The following KIF18B variants were observed in gnomAD, a reference collection of about 807,000 sequenced individuals.
KIF18B encodes kinesin-like protein KIF18B.
Under a neutral mutation model 80.9 loss-of-function variants are expected in KIF18B, and 49 were observed. The ratio of observed to expected loss-of-function variants is 0.61; its 90% CI spans 0.48 to 0.77. The LOEUF (loss-of-function observed/expected upper bound fraction) is 0.77, where lower values mean the gene tolerates loss of function less well. Ranked by LOEUF, KIF18B falls within the 30% of genes least tolerant of loss-of-function variation. The pLI is 0.00. For synonymous variants in KIF18B, 439 were observed against 463.9 expected (o/e 0.95, Z 0.69); for missense variants, 994 against 1,127.7 (o/e 0.88, Z 1.70).
In KIF18B at chr17:44,926,011, G is replaced by T. The variant is rs1430700289; in HGVS notation, c.*69C>A. The stretch of plus-strand genomic sequence containing the variant: ...CAGCTCCTGGTGCAGGTGGCTACAG[G>T]TCCAAGAGGGGTATCCAGCAGAGGG... On this transcript the variant is annotated 3_prime_UTR_variant, in exon 16 of 16. Transcript: ENST00000593135. 3 of 1,561,248 alleles carry T rather than the reference G, an allele frequency of 1.9e-6. No individual in the cohort carries two copies. Among genetic ancestry groups the T allele is most frequent in the Admixed American group, 3.4e-5 (2 of 59,456 alleles).
intron 1 of KIF18B, among the ~76,000 whole-genome samples, chr17:44,944,219 GA>G (rs1265790123): frequency 6.6e-6 from 1 of 151,970 alleles, no homozygotes; most frequent in African/African-American, 2.4e-5. Context: ...CTACATTAAC[GA>G]AACAGATTGA....
At position 44,932,162 on chromosome 17, in the gene KIF18B, T is replaced by C; in HGVS notation, c.1283A>G (p.Gln428Arg). The C allele has an allele frequency of 6.2e-7, 1 of 1,613,524 alleles. No homozygotes were observed. Among genetic ancestry groups the C allele is most frequent in the Non-Finnish European group, 8.5e-7 (1 of 1,179,720 alleles). The change falls in exon 10 of 16, where the codon CAA becomes CGA. Residue 428 changes from glutamine (Q) to arginine (R), a missense_variant. Transcript: ENST00000593135. ...PELPAGPRAL[Q>R]EESLGMEAQV... is the part of the protein sequence containing the mutation. ...GGCCTCCATCCCCAGACTCTCCTCT[T>C]GAAGGGCTCTAGGCCCTGCAGGGAG... is the stretch of plus-strand genomic sequence containing the variant.
chr17:44,946,636 T>C (rs2052516622), intron 1 of KIF18B, among the ~76,000 whole-genome samples: 1 of 152,200 alleles, frequency 6.6e-6, no homozygotes, highest in South Asian at 2.1e-4. Context: ...ATATGGCATT[T>C]TCCCATGACG....
chr17:44,933,882 G>A (rs1208651353), intron 7 of KIF18B, 41 bp downstream of exon 7: 13 of 1,519,894 alleles, frequency 8.6e-6, no homozygotes, highest in Non-Finnish European at 1.1e-5. Flanking sequence ...CTCCCCGGCT[G>A]GAGCTGCCCC....
At chr17:44,936,630 T>A (rs1411117934) in intron 1 of KIF18B, among the ~76,000 whole-genome samples, 181 of 42,858 alleles carry the variant, frequency 4.2e-3, no homozygotes, top group African/African-American at 6.5e-3. Flanking sequence ...ATATATTTTT[T>A]TTTTTTTTTT....
At position 44,934,049 on chromosome 17, in the gene KIF18B, G is replaced by A. The variant is rs1433662869; in HGVS notation, c.936C>T (p.Leu312=). The A allele has an allele frequency of 1.2e-6, 2 of 1,612,112 alleles. No individual in the cohort carries two copies. Among genetic ancestry groups the A allele is most frequent in the East Asian group, 2.2e-5 (1 of 44,852 alleles). The change falls in exon 7 of 16, where the codon CTC becomes CTT. Residue 312 remains leucine, a synonymous_variant. Transcript: ENST00000593135. This position sits in a 1 kb window ranked among gnomAD's most constrained non-coding sequence, Gnocchi z 5.4. ...PYRDSKLTRL[L]KDSLGGNCRT... ...GGCAGTTGCCCCCGAGGGAGTCTTT[G>A]AGCAGGCGGGTCAGTTTGCTGTCCC...
chr17:44,935,012 A>T, intron 3 of KIF18B, 77 bp from the exon 4 acceptor site: 1 of 1,099,824 alleles, frequency 9.1e-7, no homozygotes. Flanking sequence ...TGGACAGGGG[A>T]GCTGAGGCCG....
chr17:44,930,821 G>T (rs897117164), intron 11 of KIF18B, among the ~76,000 whole-genome samples: 2 of 152,164 alleles, frequency 1.3e-5, no homozygotes, highest in Non-Finnish European at 2.9e-5. Flanking sequence ...GAGCATCCTT[G>T]CCTCTCCAGG....
At chr17:44,936,710 G>A (rs1168780632) in intron 1 of KIF18B, among the ~76,000 whole-genome samples, 7 of 130,546 alleles carry the variant, frequency 5.4e-5, no homozygotes, top group Non-Finnish European at 9.3e-5. Context: ...CATGATCTCG[G>A]CTCATTGCAA....
Position 44,934,967 on chromosome 17 carries a change from G to A in KIF18B, c.472-32C>T, listed in dbSNP as rs2052249120. The A allele has an allele frequency of 6.9e-7, 1 of 1,441,902 alleles. No individual in the cohort carries two copies. The highest frequency in any genetic ancestry group is 9.5e-7 in the Non-Finnish European group (1 of 1,057,570). 89.3% of individuals were successfully genotyped at this position (1,441,902 alleles called of 1,614,324 possible). On this transcript the variant is annotated intron_variant, in intron 3 of 15. Coordinates refer to ENST00000593135, the MANE Select transcript of KIF18B (RefSeq NM_001265577.2). This position sits in a 1 kb window ranked among gnomAD's most constrained non-coding sequence, Gnocchi z 5.4. ...AAGGAAGAAAGGAAGAGGCCTGAGGGAGAGCGGCCCATCAGGAAACCTCTC... is the reference window on the plus strand; with the variant it reads ...AAGGAAGAAAGGAAGAGGCCTGAGGAAGAGCGGCCCATCAGGAAACCTCTC...
At chr17:44,936,618 ATATATATTTTTTTTT>A (rs1229531495) in intron 1 of KIF18B, among the ~76,000 whole-genome samples, 85 of 72,724 alleles carry the variant, frequency 1.2e-3, no homozygotes, top group African/African-American at 4.4e-3. Flanking sequence ...ATATATATAT[ATATATATTTTTTTTT>A]TTTTTTTTTT....
At position 44,928,848 on chromosome 17, in the gene KIF18B, G is replaced by C; in HGVS notation, c.1694C>G (p.Pro565Arg). The C allele has an allele frequency of 6.2e-7, 1 of 1,613,848 alleles. No homozygotes were observed. Among genetic ancestry groups the C allele is most frequent in the Non-Finnish European group, 8.5e-7 (1 of 1,179,832 alleles). ...LRTSGLARGA[P>R]LAQELCSESI... ...CTCTGAACACAGCTCCTGAGCCAGA[G>C]GTGCCCCCCTGGCCAGGCCTGAAGT... Residue 565 changes from proline to arginine, a missense_variant, in exon 12 of 16, where the codon CCT (proline) becomes CGT (arginine). Coordinates refer to ENST00000593135, the MANE Select transcript of KIF18B (RefSeq NM_001265577.2).
At chr17:44,936,598 C>T (rs34773956) in intron 1 of KIF18B, among the ~76,000 whole-genome samples, 1 of 27,850 alleles carries the variant, frequency 3.6e-5, no homozygotes, top group Non-Finnish European at 6.4e-5. Context: ...CTCTCTCTCT[C>T]TATATATATA....
At chr17:44,933,037 T>C (rs948908542) in intron 7 of KIF18B, 51 bp from the exon 8 acceptor site, 4 of 1,549,716 alleles carry the variant, frequency 2.6e-6, no homozygotes, top group Non-Finnish European at 3.5e-6. Flanking sequence ...AAGCAGCTTT[T>C]ATCAGCCACC....
In KIF18B at chr17:44,934,376, C is replaced by T. The variant is rs758992517; in HGVS notation, c.742G>A (p.Ala248Thr). 30 of 1,606,956 alleles carry T rather than the reference C, an allele frequency of 1.9e-5. No homozygotes were observed. The highest frequency in any genetic ancestry group is 1.7e-4 in the Middle Eastern group (1 of 6,058). ...GCCAGGTCAATCAGGCTCATCTTGGCCACCTGGACAGCCTGGGTCAGTCCT... is the reference window on the plus strand; with the variant it reads ...GCCAGGTCAATCAGGCTCATCTTGGTCACCTGGACAGCCTGGGTCAGTCCT... The part of the protein sequence containing the change: ...VPGLTQAVQV[A>T]KMSLIDLAGS... Residue 248 changes from alanine (A) to threonine (T), a missense_variant, in exon 6 of 16, where the codon GCC becomes ACC. Ala to Thr is a moderately conservative substitution (Grantham distance 58, BLOSUM62 0). Coordinates refer to ENST00000593135, the MANE Select transcript of KIF18B (RefSeq NM_001265577.2). This position sits in a 1 kb window ranked among gnomAD's most constrained non-coding sequence, Gnocchi z 5.4.
chr17:44,945,739 G>T (rs9893088), intron 1 of KIF18B, among the ~76,000 whole-genome samples: 96,216 of 150,984 alleles, frequency 0.64, 31,722 homozygotes, highest in African/African-American at 0.82. Flanking sequence ...ACCCCATCCC[G>T]ACTAAAAATA....
Position 44,934,501 on chromosome 17 carries a change from C to T in KIF18B, c.687+6G>A. The T allele has an allele frequency of 6.2e-7, 1 of 1,610,522 alleles. No homozygotes were observed. Among genetic ancestry groups the T allele is most frequent in the Non-Finnish European group, 8.5e-7 (1 of 1,178,212 alleles). On this transcript the variant is annotated splice_donor_region_variant and intron_variant, in intron 5 of 15. Coordinates refer to ENST00000593135, the MANE Select transcript of KIF18B (RefSeq NM_001265577.2). The surrounding 1 kb of genome is among the most constrained non-coding windows in gnomAD (Gnocchi z 5.4). The stretch of plus-strand genomic sequence containing the variant: ...ACTGGTTTCAGGCTCTGACCCATGA[C>T]CTCACCTGGAAGATGGCATGGGAGC...
At chr17:44,930,793 CA>C (rs1335986217) in intron 11 of KIF18B, among the ~76,000 whole-genome samples, 2 of 152,114 alleles carry the variant, frequency 1.3e-5, no homozygotes, top group African/African-American at 2.4e-5. Context: ...CCTGGGAGAT[CA>C]GGGGGATGTC....
At chr17:44,940,846 C>A (rs1400022310) in intron 1 of KIF18B, among the ~76,000 whole-genome samples, 1 of 152,174 alleles carries the variant, frequency 6.6e-6, no homozygotes, top group African/African-American at 2.4e-5. Flanking sequence ...GTCCCCTCAT[C>A]CCTAAACTTC....
Sources: gnomAD v4.1 joint callset for allele counts (sites outside exome capture counted in the v4.1 genomes callset) on GRCh38, gnomAD v4.1.1 for gene constraint, Gnocchi (gnomAD v3.1) non-coding constraint, MANE v1.5 for transcripts, NCBI Gene and HGNC (gene_info 2026-07-23, HGNC 2026-07-21) for gene names.